CNNM2: variants seen among roughly 807,000 people sequenced by gnomAD.
CNNM2 encodes cyclin and CBS domain divalent metal cation transport mediator 2.
Under a neutral mutation model 66.9 loss-of-function variants are expected in CNNM2, and 12 were observed. That is an observed-to-expected ratio of 0.18 (90% confidence interval 0.11 to 0.29). CNNM2 has a LOEUF of 0.29. CNNM2 is among the 10% of genes least tolerant of loss of function. The pLI is 1.00. For synonymous variants in CNNM2, 557 were observed against 501.8 expected (o/e 1.11, Z -1.47); for missense variants, 705 against 1,167.7 (o/e 0.60, Z 5.77).
chr10:103,021,688 G>C (rs1430444766), intron 1 of CNNM2, among the ~76,000 whole-genome samples: 1 of 152,120 alleles, frequency 6.6e-6, no homozygotes, highest in Non-Finnish European at 1.5e-5. Context: ...CCGAGAGTTG[G>C]ACTTCATTGT....
In CNNM2 at chr10:102,959,977, G is replaced by T. The variant is rs371187324; in HGVS notation, c.1621+39876G>T. On this transcript the variant is annotated intron_variant, in intron 1 of 7. Transcript: ENST00000369878. ...TGAGGCAGGAAAATGGTGTGAACCC[G>T]GGAGGTGGAGCTTGCAGTGAGCCGA... Among the ~76,000 whole-genome samples the T allele has an allele frequency of 1.3e-5, 2 of 150,694 alleles. 1 individual carries two copies. The highest frequency in any genetic ancestry group is 1.3e-4 in the Admixed American group (2 of 15,108).
intron 5 of CNNM2, among the ~76,000 whole-genome samples, chr10:103,068,970 G>A (rs960961285): frequency 3.3e-5 from 5 of 152,186 alleles, no homozygotes; most frequent in Admixed American, 6.5e-5. Flanking sequence ...CAGCCCCACA[G>A]AACTCCCATC....
intron 1 of CNNM2, among the ~76,000 whole-genome samples, chr10:103,004,685 C>T (rs2064191310): frequency 6.6e-6 from 1 of 152,176 alleles, no homozygotes; most frequent in Non-Finnish European, 1.5e-5. Flanking sequence ...AATGGTTTTC[C>T]AAAGTTACTG....
chr10:102,926,865 G>A (rs947142214), intron 1 of CNNM2, among the ~76,000 whole-genome samples: 2 of 151,896 alleles, frequency 1.3e-5, no homozygotes, highest in African/African-American at 2.4e-5. Context: ...ACAGGCACCC[G>A]CTGCCATGCC....
intron 1 of CNNM2, among the ~76,000 whole-genome samples, chr10:102,981,318 T>C (rs1370651972): frequency 2.0e-5 from 3 of 151,758 alleles, no homozygotes; most frequent in Non-Finnish European, 4.4e-5. Flanking sequence ...CCAGTGTACT[T>C]CAGCTTGGGT....
At chr10:103,069,435 C>G (rs1035524706) in intron 5 of CNNM2, among the ~76,000 whole-genome samples, 1 of 152,114 alleles carries the variant, frequency 6.6e-6, no homozygotes, top group African/African-American at 2.4e-5. Flanking sequence ...TGCTCTGCAT[C>G]CAGCACTTGG....
chr10:103,036,916 A>G (rs1246405471), intron 1 of CNNM2, among the ~76,000 whole-genome samples: 2 of 152,124 alleles, frequency 1.3e-5, no homozygotes, highest in Admixed American at 6.6e-5. Context: ...TAGGAAGGTC[A>G]TTGTGGTGGT....
At chr10:103,041,380 A>T (rs2065038566) in intron 1 of CNNM2, among the ~76,000 whole-genome samples, 1 of 152,230 alleles carries the variant, frequency 6.6e-6, no homozygotes, top group African/African-American at 2.4e-5. Flanking sequence ...AAGATTTCAG[A>T]GTTTTAAAGC....
At chr10:103,024,703 C>T (rs533546620) in intron 1 of CNNM2, among the ~76,000 whole-genome samples, 16 of 152,180 alleles carry the variant, frequency 1.1e-4, no homozygotes, top group Admixed American at 2.0e-4. Context: ...TGATCTTGAT[C>T]TCCTGACCTC....
intron 1 of CNNM2, among the ~76,000 whole-genome samples, chr10:102,934,421 C>T (rs1463820219): frequency 1.3e-5 from 2 of 151,760 alleles, no homozygotes; most frequent in African/African-American, 2.4e-5. Flanking sequence ...GCTGGGACTA[C>T]AGGCGCCTGC....
chr10:103,029,771 C>T lies in CNNM2; in HGVS notation c.1622-19936C>T, dbSNP rs138581435. ...GTCCCAGCTACTAGGGAGGCTGAGG[C>T]GGGAGAATCCCTTGAACCTGGGAGG... On this transcript the variant is annotated intron_variant, in intron 1 of 7. Coordinates refer to ENST00000369878, the MANE Select transcript of CNNM2 (RefSeq NM_017649.5). Among the ~76,000 whole-genome samples the T allele has an allele frequency of 0.02, 3,010 of 151,050 alleles. 39 individuals carry two copies. The highest frequency in any genetic ancestry group is 0.051 in the South Asian group (245 of 4,776).
rs980028548 is a variant in CNNM2 at position 103,079,224 on chromosome 10, T to G, written c.*2044T>G. 1.3e-5 allele frequency: 2 copies of G among 151,828 alleles called. No homozygotes were observed. The highest frequency in any genetic ancestry group is 3.9e-4 in the East Asian group (2 of 5,174). 9.4% of individuals were successfully genotyped at this position (151,828 alleles called of 1,614,324 possible). A position where few individuals can be genotyped will look rare whatever the true frequency, so the allele number is the denominator to read the frequency against. On this transcript the variant is annotated 3_prime_UTR_variant, in exon 8 of 8. Transcript: ENST00000369878. ...CTGAGCACAACACCAGTGTGATGAG[T>G]GTATAAAGATGAGGGGTCCTTGCAA...
chr10:103,042,588 A>G (rs1218268094), intron 1 of CNNM2, among the ~76,000 whole-genome samples: 1 of 152,212 alleles, frequency 6.6e-6, no homozygotes, highest in Non-Finnish European at 1.5e-5. Flanking sequence ...GGCCTGGCAC[A>G]TAGTAGGCAG....
At chr10:103,067,655 C>T (rs1354171550) in intron 4 of CNNM2, among the ~76,000 whole-genome samples, 3 of 152,064 alleles carry the variant, frequency 2.0e-5, no homozygotes, top group African/African-American at 7.2e-5. Context: ...TTCAGTAGCC[C>T]AGAAAACACA....
At chr10:102,953,351 G>A (rs977795415) in intron 1 of CNNM2, among the ~76,000 whole-genome samples, 1 of 152,012 alleles carries the variant, frequency 6.6e-6, no homozygotes, top group African/African-American at 2.4e-5. Flanking sequence ...CTGCCTCCTG[G>A]GTTCAAGCAG....
intron 1 of CNNM2, among the ~76,000 whole-genome samples, chr10:103,003,131 T>TTA (rs397825999): frequency 6.7e-6 from 1 of 149,716 alleles, no homozygotes; most frequent in East Asian, 2.0e-4. Context: ...TTTTTTTTTT[T>TTA]AATAGGAGTC....
chr10:103,021,222 G>T (rs1336365003), intron 1 of CNNM2, among the ~76,000 whole-genome samples: 1 of 152,164 alleles, frequency 6.6e-6, no homozygotes, highest in Non-Finnish European at 1.5e-5. Flanking sequence ...GGAGGGACAG[G>T]CTAAATGGAG....
At chr10:102,920,122 T>C in intron 1 of CNNM2, 21 bp downstream of exon 1, 9 of 1,614,188 alleles carry the variant, frequency 5.6e-6, no homozygotes, top group Non-Finnish European at 6.8e-6. Flanking sequence ...TTGGTCTCTT[T>C]CATTGGCTTG....
At chr10:103,001,161 G>C (rs983591152) in intron 1 of CNNM2, among the ~76,000 whole-genome samples, 2 of 152,124 alleles carry the variant, frequency 1.3e-5, no homozygotes, top group Non-Finnish European at 2.9e-5. Flanking sequence ...AAAGTATTAG[G>C]GTGGTTGTCA....
Sources: gnomAD v4.1 joint callset for allele counts (sites outside exome capture counted in the v4.1 genomes callset) on GRCh38, gnomAD v4.1.1 for gene constraint, MANE v1.5 for transcripts, NCBI Gene and HGNC (gene_info 2026-07-23, HGNC 2026-07-21) for gene names.